The following TTI1 variants were observed in gnomAD, a reference collection of about 807,000 sequenced individuals.
The protein encoded by TTI1 is TELO2-interacting protein 1 homolog.
A neutral mutation model predicts 85.4 loss-of-function variants in TTI1; 52 were observed. The observed-to-expected ratio is 0.61, with a 90% CI of 0.49 to 0.77. The LOEUF (loss-of-function observed/expected upper bound fraction) is 0.77, where lower values mean the gene tolerates loss of function less well. Among genes scored for constraint, TTI1 ranks in the 30% least tolerant of loss-of-function variants. The pLI is 0.00. For missense variants in TTI1, 1,173 were observed against 1,296.0 expected (o/e 0.91, Z 1.46); for synonymous variants, 512 against 503.9 (o/e 1.02, Z -0.22).
At chr20:37,987,128 C>T (rs574386157) in intron 7 of TTI1, 1 of 456,394 alleles carries the variant, frequency 2.2e-6, no homozygotes, top group Admixed American at 2.4e-5. Flanking sequence ...TGGCTTTAAG[C>T]CCCTGGGAGC....
At position 38,013,452 on chromosome 20, in the gene TTI1, G is replaced by A. The variant is rs1278670857; in HGVS notation, c.365C>T (p.Ala122Val). ...PAAVSEELKL[A>V]VIQGLSTLMH... ...TAATGTGCTAAGTCCCTGGATCACAGCCAATTTCAACTCCTCGGACACAGC... is the reference window on the plus strand; with the variant it reads ...TAATGTGCTAAGTCCCTGGATCACAACCAATTTCAACTCCTCGGACACAGC... Residue 122 changes from alanine (A) to valine (V), a missense_variant, in exon 2 of 8, where the codon GCT (alanine) becomes GTT (valine). Transcript: ENST00000373447. The A allele has an allele frequency of 6.2e-7, 1 of 1,614,012 alleles. No individual in the cohort carries two copies. Among genetic ancestry groups the A allele is most frequent in the Non-Finnish European group, 8.5e-7 (1 of 1,180,028 alleles).
intron 1 of TTI1, among the ~76,000 whole-genome samples, chr20:38,017,404 TTGTGTGTGTGTGTG>T (rs66542554): frequency 1.4e-5 from 2 of 146,242 alleles, no homozygotes; most frequent in South Asian, 2.2e-4. Flanking sequence ...AATCAATAGC[TTGTGTGTGTGTGTG>T]TGTGTGTGTG....
intron 1 of TTI1, among the ~76,000 whole-genome samples, chr20:38,027,088 A>G (rs143696894): frequency 6.0e-4 from 92 of 152,354 alleles, no homozygotes; most frequent in Middle Eastern, 3.4e-3. Context: ...GAAGGCTACA[A>G]AAAGAAAGCA....
intron 7 of TTI1, among the ~76,000 whole-genome samples, chr20:37,988,754 T>G (rs1338817920): frequency 6.6e-6 from 1 of 152,240 alleles, no homozygotes; most frequent in Non-Finnish European, 1.5e-5. Flanking sequence ...TCTCTCTATG[T>G]GGGCATGGTT....
chr20:38,017,630 C>T (rs2073704361), intron 1 of TTI1, among the ~76,000 whole-genome samples: 1 of 152,142 alleles, frequency 6.6e-6, no homozygotes, highest in African/African-American at 2.4e-5. Context: ...AAGGCTGCTG[C>T]TGAAGACAAC....
chr20:38,007,117 G>T (rs1442107964), intron 2 of TTI1, among the ~76,000 whole-genome samples: 2 of 152,242 alleles, frequency 1.3e-5, no homozygotes, highest in African/African-American at 4.8e-5. Flanking sequence ...AAGATATTGG[G>T]TGCTCAAAGT....
chr20:37,991,596 T>C (rs930482068), intron 7 of TTI1, among the ~76,000 whole-genome samples: 2 of 152,210 alleles, frequency 1.3e-5, no homozygotes, highest in Non-Finnish European at 2.9e-5. Context: ...ACAATTAACA[T>C]GAAAAAGATC....
rs2073495143 is a variant in TTI1 at position 38,006,198 on chromosome 20, T to G, written c.2502A>C (p.Glu834Asp). ...GCTAAGCCAAAATAAACAAGTTACCTTCTTCATTATCAAAATCCGAGACAT... is the reference window on the plus strand; with the variant it reads ...GCTAAGCCAAAATAAACAAGTTACCGTCTTCATTATCAAAATCCGAGACAT... ...DGNVSDFDNE[E>D]EEQSVPPKVD... Residue 834 changes from glutamate (E) to aspartate (D), a missense_variant and splice_region_variant, in exon 3 of 8, where the codon GAA becomes GAC. Transcript: ENST00000373447. 3.1e-6 allele frequency: 5 copies of G among 1,614,040 alleles called. No homozygotes were observed. Among genetic ancestry groups the G allele is most frequent in the Non-Finnish European group, 4.2e-6 (5 of 1,180,024 alleles).
intron 7 of TTI1, chr20:37,987,508 C>T (rs1042599363): frequency 5.4e-6 from 2 of 372,228 alleles, no homozygotes; most frequent in Non-Finnish European, 1.1e-5. Flanking sequence ...TCTTTCTCCT[C>T]CCCCCAGGCC....
chr20:37,992,090 G>C (rs1232627012), intron 7 of TTI1, among the ~76,000 whole-genome samples: 2 of 152,162 alleles, frequency 1.3e-5, no homozygotes, highest in Middle Eastern at 3.2e-3. Context: ...CCCATCAGGG[G>C]CTACAGCAAT....
chr20:37,999,669 C>T (rs1012340801), intron 4 of TTI1, among the ~76,000 whole-genome samples: 4 of 152,120 alleles, frequency 2.6e-5, no homozygotes, highest in African/African-American at 9.7e-5. Flanking sequence ...GGGAAGGCTT[C>T]GCTGGGGAAG....
At chr20:38,032,347 A>G (rs1386266630) in intron 1 of TTI1, among the ~76,000 whole-genome samples, 2 of 152,256 alleles carry the variant, frequency 1.3e-5, no homozygotes, top group Non-Finnish European at 2.9e-5. Flanking sequence ...AAGAACTGCA[A>G]TACAGTGCAA....
chr20:38,028,461 A>G (rs945411394), intron 1 of TTI1, among the ~76,000 whole-genome samples: 1 of 152,266 alleles, frequency 6.6e-6, no homozygotes, highest in African/African-American at 2.4e-5. Context: ...AGGTATATCT[A>G]CTAAGAACAT....
At chr20:38,010,471 T>C (rs1251622958) in intron 2 of TTI1, among the ~76,000 whole-genome samples, 1 of 141,244 alleles carries the variant, frequency 7.1e-6, no homozygotes, top group Non-Finnish European at 1.5e-5. Context: ...CCATTCCTTT[T>C]TTTTTTTTTT....
In TTI1 at chr20:37,983,316, C is replaced by T. The variant is rs1430028631; in HGVS notation, c.*140G>A. On this transcript the variant is annotated 3_prime_UTR_variant, in exon 8 of 8. Coordinates refer to ENST00000373447, the MANE Select transcript of TTI1 (RefSeq NM_001303457.2). Reference sequence around the variant, plus strand: ...ATCCATTTCTAAGCAGTTGTGTGATCGATCAATTTATAAATCGATTGGCTA... The same window carrying T: ...ATCCATTTCTAAGCAGTTGTGTGATTGATCAATTTATAAATCGATTGGCTA... 5.1e-6 allele frequency: 4 copies of T among 777,716 alleles called. No homozygotes were observed. The highest frequency in any genetic ancestry group is 3.5e-5 in the African/African-American group (2 of 56,354). The allele number at this position is 777,716 out of a possible 1,614,324, so 48.2% of individuals were successfully genotyped here.
intron 7 of TTI1, 119 bp from the exon 8 acceptor site, chr20:37,983,758 A>G (rs1222898942): frequency 1.4e-5 from 14 of 1,017,348 alleles, no homozygotes; most frequent in East Asian, 3.2e-5. Flanking sequence ...AACAATATCA[A>G]GTCACTTCAA....
chr20:38,022,361 C>T (rs912647467), intron 1 of TTI1, among the ~76,000 whole-genome samples: 2 of 152,196 alleles, frequency 1.3e-5, no homozygotes. Context: ...TCTTCCTTAG[C>T]ACTTCACAAC....
At chr20:38,002,601 A>G in intron 4 of TTI1, 27 bp downstream of exon 4, 1 of 1,611,164 alleles carries the variant, frequency 6.2e-7, no homozygotes. Context: ...CTACTCTGGG[A>G]ATGCAGAGAA....
At chr20:37,995,857 G>A (rs1568611249) in intron 7 of TTI1, among the ~76,000 whole-genome samples, 2 of 152,196 alleles carry the variant, frequency 1.3e-5, no homozygotes, top group Non-Finnish European at 2.9e-5. Context: ...TCGGGTCACA[G>A]ATTCCTATTA....
Sources: gnomAD v4.1 joint callset for allele counts (sites outside exome capture counted in the v4.1 genomes callset) on GRCh38, gnomAD v4.1.1 for gene constraint, MANE v1.5 for transcripts, NCBI Gene and HGNC (gene_info 2026-07-23, HGNC 2026-07-21) for gene names.